Variants in LRGUK observed in about 807,000 individuals in gnomAD.
LRGUK encodes the protein leucine-rich repeat and guanylate kinase domain-containing protein.
Under a neutral mutation model 76.0 loss-of-function variants are expected in LRGUK, and 65 were observed. The ratio of observed to expected loss-of-function variants is 0.85; its 90% CI spans 0.70 to 1.05. The LOEUF is 1.05. Ranked by LOEUF, LRGUK falls within the 50% of genes least tolerant of loss-of-function variation. LRGUK has a pLI of 0.00. For missense variants in LRGUK, 758 were observed against 732.8 expected, an observed-to-expected ratio of 1.03 and a Z score of -0.40; for synonymous variants, 268 against 265.6, an observed-to-expected ratio of 1.01 and a Z score of -0.09.
At chr7:134,265,448 A>G (rs78383974), downstream of LRGUK, among the ~76,000 whole-genome samples, 1,114 of 152,256 alleles carry the variant, frequency 7.3e-3, 12 homozygotes, top group East Asian at 0.053. Flanking sequence ...CATATATCCT[A>G]AACTGGGTGC....
intron 5 of LRGUK, 78 bp from the exon 6 acceptor site, chr7:134,157,957 T>C: frequency 7.6e-7 from 1 of 1,310,892 alleles, no homozygotes; most frequent in Non-Finnish European, 1.1e-6. Context: ...CTTTGTCTAG[T>C]GATGATTTAA....
chr7:134,204,275 T>C (rs540967149), intron 15 of LRGUK, among the ~76,000 whole-genome samples: 31 of 152,354 alleles, frequency 2.0e-4, no homozygotes, highest in African/African-American at 7.2e-4. Context: ...GGTAAATTAA[T>C]AGACCAGATA....
intron 19 of LRGUK, 132 bp from the exon 20 acceptor site, chr7:134,263,713 C>A: frequency 2.4e-6 from 2 of 831,636 alleles, no homozygotes; most frequent in Non-Finnish European, 1.7e-6. Flanking sequence ...CTGCACCTGG[C>A]CTCATTTATT....
chr7:134,221,027 T>C (rs1467517861), intron 15 of LRGUK, among the ~76,000 whole-genome samples: 1 of 152,232 alleles, frequency 6.6e-6, no homozygotes, highest in East Asian at 1.9e-4. Context: ...TAGAAAATTT[T>C]CTTTCTTAGT....
At chr7:134,185,543 A>ATT (rs112707564) in intron 11 of LRGUK, among the ~76,000 whole-genome samples, 2 of 150,364 alleles carry the variant, frequency 1.3e-5, no homozygotes, top group African/African-American at 4.9e-5. Context: ...AAAAAAAAAG[A>ATT]TTTTTTTTTA....
At chr7:134,221,957 T>A (rs774218947) in intron 16 of LRGUK, 39 bp downstream of exon 16, 4 of 1,510,858 alleles carry the variant, frequency 2.6e-6, no homozygotes, top group Middle Eastern at 1.8e-4. Flanking sequence ...ACAACTGAGC[T>A]CTATACAATG....
In LRGUK at chr7:134,248,343, T is replaced by C. The variant is rs140561929; in HGVS notation, c.2073-608T>C. 8.0e-3 allele frequency among the ~76,000 whole-genome samples: 1,214 copies of C among 152,308 alleles called. 14 individuals carry two copies. Among genetic ancestry groups the C allele is most frequent in the African/African-American group, 0.022 (931 of 41,564 alleles). On this transcript the variant is annotated intron_variant, in intron 17 of 19. Coordinates refer to the LRGUK transcript ENST00000285928. Reference sequence around the variant, plus strand: ...ACAAAGGCAGATAGATGCTTTGAATTTGCCTGCATTTATATGCAACTGGGC... The same window carrying C: ...ACAAAGGCAGATAGATGCTTTGAATCTGCCTGCATTTATATGCAACTGGGC...
intron 12 of LRGUK, among the ~76,000 whole-genome samples, chr7:134,195,527 C>G (rs2117067621): frequency 6.6e-6 from 1 of 152,204 alleles, no homozygotes; most frequent in South Asian, 2.1e-4. Context: ...CAGATGAAAT[C>G]CAAAGGCTGA....
At chr7:134,131,124 T>G (rs1371138753) in intron 1 of LRGUK, among the ~76,000 whole-genome samples, 2 of 152,210 alleles carry the variant, frequency 1.3e-5, no homozygotes, top group Non-Finnish European at 2.9e-5. Flanking sequence ...CAGAAGTTTC[T>G]GGGCCCAAAA....
At chr7:134,178,070 G>A (rs1799557443) in intron 9 of LRGUK, among the ~76,000 whole-genome samples, 1 of 152,150 alleles carries the variant, frequency 6.6e-6, no homozygotes, top group African/African-American at 2.4e-5. Context: ...GAAATGGTAT[G>A]AGGAAAACAT....
intron 17 of LRGUK, among the ~76,000 whole-genome samples, chr7:134,248,036 TAC>T (rs1461566521): frequency 6.6e-6 from 1 of 152,252 alleles, no homozygotes; most frequent in Non-Finnish European, 1.5e-5. Context: ...TAAATAAAAT[TAC>T]ATTTTTGTTC....
chr7:134,242,207 G>A (rs1321926161), intron 16 of LRGUK, among the ~76,000 whole-genome samples: 2 of 152,184 alleles, frequency 1.3e-5, no homozygotes, highest in African/African-American at 4.8e-5. Flanking sequence ...TAAGATCAGA[G>A]CAGAACTGAA....
At chr7:134,197,948 A>G (rs924060359) in intron 13 of LRGUK, among the ~76,000 whole-genome samples, 6 of 152,242 alleles carry the variant, frequency 3.9e-5, no homozygotes, top group Non-Finnish European at 8.8e-5. Context: ...ATTCAATTAG[A>G]TCAAATATAC....
intron 10 of LRGUK, 86 bp from the exon 11 acceptor site, chr7:134,183,648 C>G (rs974751431): frequency 1.3e-6 from 2 of 1,499,496 alleles, no homozygotes; most frequent in Non-Finnish European, 1.8e-6. Flanking sequence ...GCTCATTTAG[C>G]CAGGTTAATG....
chr7:134,130,761 G>A (rs374749481), intron 1 of LRGUK, among the ~76,000 whole-genome samples: 40 of 152,182 alleles, frequency 2.6e-4, no homozygotes, highest in African/African-American at 8.0e-4. Flanking sequence ...CCCTTATGAA[G>A]TGAGGGAGGC....
chr7:134,183,047 C>T (rs1006003366), intron 10 of LRGUK, among the ~76,000 whole-genome samples: 3 of 152,226 alleles, frequency 2.0e-5, no homozygotes, highest in Non-Finnish European at 4.4e-5. Flanking sequence ...TGAGCCATCG[C>T]GCCCGGCTGC....
At chr7:134,271,528 C>T in the LRGUK span, among the ~76,000 whole-genome samples, 31 of 151,894 alleles carry the variant, frequency 2.0e-4, no homozygotes, top group African/African-American at 7.2e-4. Context: ...CCATTACTCT[C>T]CCCTCCTAGT....
Position 134,263,877 on chromosome 7 carries a change from G to T in LRGUK, c.2380G>T (p.Glu794Ter). ...TATACAATCATTTTCACATGAAAAA[G>T]AGTCTCACCAACACAGACAACACTC... Residue 794 changes from glutamate (E) to a stop codon, truncating the protein, a stop_gained, in exon 20 of 20, where the codon GAG becomes TAG. Transcript: ENST00000285928. LOFTEE classifies it low-confidence loss of function (END_TRUNC). The T allele has an allele frequency of 6.2e-7, 1 of 1,610,996 alleles. No homozygotes were observed. The highest frequency in any genetic ancestry group is 8.5e-7 in the Non-Finnish European group (1 of 1,178,638).
chr7:134,139,074 T>A (rs1396598539), intron 2 of LRGUK, among the ~76,000 whole-genome samples: 1 of 152,180 alleles, frequency 6.6e-6, no homozygotes, highest in African/African-American at 2.4e-5. Flanking sequence ...ATTCTAGACA[T>A]TTTTTTCTTC....
Sources: allele counts gnomAD v4.1 joint callset (sites outside exome capture counted in the v4.1 genomes callset), GRCh38; gene constraint gnomAD v4.1.1; transcripts MANE v1.5; gene names NCBI Gene and HGNC (gene_info 2026-07-23, HGNC 2026-07-21).